Variants in CTCF observed in about 807,000 individuals in gnomAD.
CTCF encodes the protein CCCTC-binding factor.
CTCF carries 7 observed loss-of-function variants against 72.3 expected under a neutral mutation model. The ratio of observed to expected loss-of-function variants is 0.10; its 90% confidence interval spans 0.06 to 0.18. The LOEUF is 0.18. Among genes scored for constraint, CTCF ranks in the 10% least tolerant of loss-of-function variants. The pLI is 1.00. For synonymous variants in CTCF, 374 were observed against 315.8 expected (o/e 1.18, Z -1.95); for missense variants, 516 against 949.1 (o/e 0.54, Z 6.00).
At chr16:67,578,261 C>G (rs759869663) in intron 2 of CTCF, among the ~76,000 whole-genome samples, 1 of 151,272 alleles carries the variant, frequency 6.6e-6, no homozygotes. Flanking sequence ...GCAATAAATA[C>G]CAATTTCTGA....
intron 2 of CTCF, among the ~76,000 whole-genome samples, chr16:67,605,935 G>A (rs1480394433): frequency 3.3e-5 from 5 of 152,206 alleles, no homozygotes; most frequent in South Asian, 2.1e-4. Flanking sequence ...GGTCAGGTAC[G>A]AAGGGGCTTT....
chr16:67,637,255 C>G (rs2052443077), intron 11 of CTCF, among the ~76,000 whole-genome samples: 1 of 152,100 alleles, frequency 6.6e-6, no homozygotes, highest in Non-Finnish European at 1.5e-5. Flanking sequence ...AACTCAGGGT[C>G]AGGCGGTGGC....
intron 2 of CTCF, among the ~76,000 whole-genome samples, chr16:67,595,739 A>G (rs1009687867): frequency 1.3e-5 from 2 of 152,104 alleles, no homozygotes; most frequent in African/African-American, 2.4e-5. Context: ...CAGAATTGGG[A>G]TGCACGTCTC....
In CTCF at chr16:67,620,734, G is replaced by T. The variant is rs2142847396; in HGVS notation, c.1124G>T (p.Gly375Val). 1 of 1,597,876 alleles carries T rather than the reference G, an allele frequency of 6.3e-7. No individual in the cohort carries two copies. Among genetic ancestry groups the T allele is most frequent in the Non-Finnish European group, 8.6e-7 (1 of 1,167,734 alleles). ...AAACGTCACATTCGCTCTCATACTG[G>T]AGAGCGTCCGTTTCAGTGCAGTTTG... ...KLKRHIRSHT[G>V]ERPFQCSLCS... The change falls in exon 6 of 12, where the codon GGA becomes GTA. Residue 375 changes from glycine (G) to valine (V), a missense_variant. Transcript: ENST00000264010.
chr16:67,632,641 T>C (rs2052380577), intron 10 of CTCF, among the ~76,000 whole-genome samples: 1 of 11,760 alleles, frequency 8.5e-5, no homozygotes, highest in South Asian at 6.3e-3. Context: ...GTTAGCCTGC[T>C]TTTGTGTGCT....
Position 67,628,568 on chromosome 16 carries a change from TC to T in CTCF, c.1701+17del, listed in dbSNP as rs765521766. On this transcript the variant is annotated intron_variant, in intron 9 of 11. Transcript: ENST00000264010. ...TACACGTCGGGTAAGGGTCAGAACTTCACTTTGCCTGTTATGATACTGAATA... is the reference window on the plus strand; with the variant it reads ...TACACGTCGGGTAAGGGTCAGAACTTACTTTGCCTGTTATGATACTGAATA... 1 of 1,611,298 alleles carries T rather than the reference TC, an allele frequency of 6.2e-7. No individual in the cohort carries two copies. The highest frequency in any genetic ancestry group is 8.5e-7 in the Non-Finnish European group (1 of 1,177,690).
chr16:67,631,142 T>C (rs1157177456), intron 10 of CTCF, among the ~76,000 whole-genome samples: 1 of 151,368 alleles, frequency 6.6e-6, no homozygotes, highest in Non-Finnish European at 1.5e-5. Flanking sequence ...GGGCTTTTTT[T>C]GTTCTTTGTT....
chr16:67,588,047 G>A (rs1221213760), intron 2 of CTCF, among the ~76,000 whole-genome samples: 4 of 151,948 alleles, frequency 2.6e-5, no homozygotes, highest in Non-Finnish European at 5.9e-5. Context: ...CAGTAGAGAC[G>A]GGGTTTCACC....
At chr16:67,606,329 G>T (rs2051972764) in intron 2 of CTCF, among the ~76,000 whole-genome samples, 1 of 152,146 alleles carries the variant, frequency 6.6e-6, no homozygotes, top group African/African-American at 2.4e-5. Flanking sequence ...ACGTTTCAGG[G>T]TTCCGTTCAA....
chr16:67,595,963 CT>C (rs200834446), intron 2 of CTCF, among the ~76,000 whole-genome samples: 1 of 150,004 alleles, frequency 6.7e-6, no homozygotes, highest in Non-Finnish European at 1.5e-5. Context: ...TCTTTCTTTT[CT>C]TTTTTTTTGA....
At chr16:67,581,173 C>G (rs1293226886) in intron 2 of CTCF, among the ~76,000 whole-genome samples, 1 of 152,138 alleles carries the variant, frequency 6.6e-6, no homozygotes, top group Non-Finnish European at 1.5e-5. Context: ...CCTGATCCAC[C>G]TGCCTCGGCC....
At chr16:67,625,015 C>T (rs944919338) in intron 7 of CTCF, among the ~76,000 whole-genome samples, 6 of 152,156 alleles carry the variant, frequency 3.9e-5, no homozygotes, top group Non-Finnish European at 8.8e-5. Flanking sequence ...ACCACCACTT[C>T]CCTGGTTTAA....
chr16:67,636,183 C>T (rs1243485940), intron 10 of CTCF, among the ~76,000 whole-genome samples: 1 of 152,104 alleles, frequency 6.6e-6, no homozygotes, highest in Non-Finnish European at 1.5e-5. Flanking sequence ...CAAGACCAGC[C>T]TGACCAATAT....
intron 2 of CTCF, among the ~76,000 whole-genome samples, chr16:67,599,627 C>T (rs750644926): frequency 2.5e-4 from 38 of 152,296 alleles, no homozygotes; most frequent in Admixed American, 4.6e-4. Context: ...ATCATCTACA[C>T]AGAAGTTGAC....
chr16:67,621,989 T>C (rs189419475), intron 7 of CTCF, among the ~76,000 whole-genome samples: 3 of 152,250 alleles, frequency 2.0e-5, no homozygotes, highest in African/African-American at 4.8e-5. Context: ...TGGGACTGTT[T>C]TATTGGTTTA....
At chr16:67,629,043 C>T (rs2052328126) in intron 9 of CTCF, among the ~76,000 whole-genome samples, 1 of 150,994 alleles carries the variant, frequency 6.6e-6, no homozygotes, top group Admixed American at 6.6e-5. Flanking sequence ...AAGAGCAAGA[C>T]TCCGTCTCAA....
intron 10 of CTCF, among the ~76,000 whole-genome samples, chr16:67,634,297 T>G (rs2052401003): frequency 6.6e-6 from 1 of 151,994 alleles, no homozygotes; most frequent in African/African-American, 2.4e-5. Flanking sequence ...AACCTCCGCC[T>G]CCCAGGTTCA....
At chr16:67,582,095 C>T (rs2051590919) in intron 2 of CTCF, among the ~76,000 whole-genome samples, 1 of 151,870 alleles carries the variant, frequency 6.6e-6, no homozygotes, top group Non-Finnish European at 1.5e-5. Context: ...TGGTGGGCAC[C>T]TGTAGTCCCA....
At chr16:67,575,598 A>T (rs1220308287) in intron 2 of CTCF, among the ~76,000 whole-genome samples, 1 of 152,072 alleles carries the variant, frequency 6.6e-6, no homozygotes, top group African/African-American at 2.4e-5. Context: ...GTGCGCCACC[A>T]TGTCTAGCTA....
Sources: allele counts gnomAD v4.1 joint callset (sites outside exome capture counted in the v4.1 genomes callset), GRCh38; gene constraint gnomAD v4.1.1; transcripts MANE v1.5; gene names NCBI Gene and HGNC (gene_info 2026-07-23, HGNC 2026-07-21).